Variants in SPATS2 observed in about 807,000 individuals in gnomAD.
SPATS2 encodes the protein spermatogenesis associated serine rich 2.
Under a neutral mutation model 63.7 loss-of-function variants are expected in SPATS2, and 38 were observed. The ratio of observed to expected loss-of-function variants is 0.60; its 90% CI spans 0.46 to 0.78. The LOEUF (loss-of-function observed/expected upper bound fraction) is 0.78. SPATS2 is among the 30% of genes least tolerant of loss of function. The pLI is 0.00. For synonymous variants in SPATS2, 207 were observed against 232.9 expected (o/e 0.89, Z 1.01); for missense variants, 588 against 666.2 (o/e 0.88, Z 1.29).
At chr12:49,514,395 G>C (rs1946805363) in intron 9 of SPATS2, 160 bp from the exon 10 acceptor site, 7 of 586,376 alleles carry the variant, frequency 1.2e-5, no homozygotes, top group African/African-American at 3.8e-5. Context: ...ATTCTTTGTT[G>C]AGAGTAAGAC....
chr12:49,401,271 A>C (rs1944600672), intron 2 of SPATS2, among the ~76,000 whole-genome samples: 1 of 152,146 alleles, frequency 6.6e-6, no homozygotes. Flanking sequence ...TCTGCCTCCC[A>C]AAGTGCTGGG....
At chr12:49,453,023 A>G (rs183944717) in intron 2 of SPATS2, among the ~76,000 whole-genome samples, 2,198 of 151,984 alleles carry the variant, frequency 0.014, 45 homozygotes, top group African/African-American at 0.05. Context: ...GCCGGACGTG[A>G]TGGCGGGCGC....
At chr12:49,401,164 C>A (rs11614479) in intron 2 of SPATS2, among the ~76,000 whole-genome samples, 13,948 of 152,148 alleles carry the variant, frequency 0.092, 750 homozygotes, top group African/African-American at 0.14. Flanking sequence ...CCAAGTACCA[C>A]CATGCCTGGC....
chr12:49,493,676 T>C (rs1018904542), intron 6 of SPATS2, among the ~76,000 whole-genome samples: 6 of 152,224 alleles, frequency 3.9e-5, no homozygotes, highest in African/African-American at 1.4e-4. Flanking sequence ...GTGTTGGGAT[T>C]ACAGGCATGA....
intron 7 of SPATS2, among the ~76,000 whole-genome samples, chr12:49,495,311 A>G (rs1946447130): frequency 6.6e-6 from 1 of 152,056 alleles, no homozygotes; most frequent in African/African-American, 2.4e-5. Context: ...CTCATGCCTC[A>G]GCCTCCTGAG....
At chr12:49,442,548 G>T in intron 2 of SPATS2, 1 of 156,326 alleles carries the variant, frequency 6.4e-6, no homozygotes. Context: ...TACCAGTTTT[G>T]CTTTTTGTTT....
intron 3 of SPATS2, among the ~76,000 whole-genome samples, chr12:49,468,457 GCC>G (rs1945970459): frequency 6.6e-6 from 1 of 150,640 alleles, no homozygotes; most frequent in Admixed American, 6.6e-5. Flanking sequence ...ACTGTGCCCG[GCC>G]TTTTTTTTTG....
In SPATS2 at chr12:49,416,822, G is replaced by T. The variant is rs1944897814; in HGVS notation, c.-243-43948G>T. Among the ~76,000 whole-genome samples the T allele has an allele frequency of 3.3e-5, 5 of 152,148 alleles. No homozygotes were observed. In the South Asian group the frequency reaches 1.0e-3, roughly 31 times the overall value. ...ATGACCTAGCTTCTGAGGTTGCTCA[G>T]TGCCCCTTCTGTTGCATTCCCTTCA... On this transcript the variant is annotated intron_variant, in intron 2 of 13. Coordinates refer to ENST00000552918, the MANE Select transcript of SPATS2 (RefSeq NM_023071.4).
chr12:49,402,651 C>A (rs1944626693), intron 2 of SPATS2, among the ~76,000 whole-genome samples: 1 of 151,956 alleles, frequency 6.6e-6, no homozygotes, highest in Non-Finnish European at 1.5e-5. Context: ...GAATGATAGC[C>A]CAGTGAACCA....
chr12:49,380,483 A>G lies in SPATS2; in HGVS notation c.-244+9193A>G, dbSNP rs189543530. On this transcript the variant is annotated intron_variant, in intron 2 of 13. Coordinates refer to ENST00000552918, the MANE Select transcript of SPATS2 (RefSeq NM_023071.4). ...CACTTTGGGAGGCCGAGGTGGGCGG[A>G]TCACCTGAGGTCAGGAGTTTGAGAT... Among the ~76,000 whole-genome samples, 187 of 152,256 alleles carry G rather than the reference A, an allele frequency of 1.2e-3. 1 individual carries two copies. Among genetic ancestry groups the G allele is most frequent in the African/African-American group, 4.0e-3 (168 of 41,560 alleles).
At chr12:49,426,856 A>G (rs575308518) in intron 2 of SPATS2, among the ~76,000 whole-genome samples, 5 of 152,202 alleles carry the variant, frequency 3.3e-5, no homozygotes, top group Admixed American at 6.5e-5. Context: ...ATCATATTCT[A>G]TTCTGTGAAT....
chr12:49,401,104 T>A (rs934578777), intron 2 of SPATS2, among the ~76,000 whole-genome samples: 14 of 152,030 alleles, frequency 9.2e-5, no homozygotes, highest in African/African-American at 3.4e-4. Context: ...CTCAACCTCC[T>A]GGGATAAGCT....
chr12:49,491,143 C>CAAA, intron 6 of SPATS2: 2 of 110,416 alleles, frequency 1.8e-5, no homozygotes, highest in Admixed American at 9.7e-5. Context: ...GACTCCATCT[C>CAAA]AAAAAAAAAA....
intron 6 of SPATS2, among the ~76,000 whole-genome samples, chr12:49,492,129 ATTTG>A (rs1396096571): frequency 6.6e-6 from 1 of 151,998 alleles, no homozygotes; most frequent in Non-Finnish European, 1.5e-5. Context: ...AGTTTTGAAT[ATTTG>A]TTTAACTTCT....
intron 3 of SPATS2, among the ~76,000 whole-genome samples, chr12:49,478,008 TC>T (rs1465179623): frequency 6.7e-6 from 1 of 148,730 alleles, no homozygotes; most frequent in Non-Finnish European, 1.5e-5. Context: ...AGGGTCTTGC[TC>T]TGTTGCCCAG....
intron 2 of SPATS2, among the ~76,000 whole-genome samples, chr12:49,377,585 A>G (rs982532772): frequency 4.6e-5 from 7 of 152,198 alleles, no homozygotes; most frequent in Non-Finnish European, 7.3e-5. Context: ...AGCCCCAAGT[A>G]TATTATTAAC....
chr12:49,413,981 G>C (rs556389456), intron 2 of SPATS2, among the ~76,000 whole-genome samples: 1 of 152,294 alleles, frequency 6.6e-6, no homozygotes, highest in South Asian at 2.1e-4. Context: ...CAGCCCTACT[G>C]CCTAGGAATG....
chr12:49,506,720 G>A (rs1449951030), intron 9 of SPATS2, among the ~76,000 whole-genome samples: 1 of 152,006 alleles, frequency 6.6e-6, no homozygotes, highest in East Asian at 1.9e-4. Context: ...AATGACACGT[G>A]CCCATAGTCC....
At chr12:49,499,971 G>A in intron 8 of SPATS2, 99 bp from the exon 9 acceptor site, 1 of 942,972 alleles carries the variant, frequency 1.1e-6, no homozygotes. Context: ...AAGATTCTTA[G>A]TCTACATGAC....
Sources: allele counts gnomAD v4.1 joint callset (sites outside exome capture counted in the v4.1 genomes callset), GRCh38; gene constraint gnomAD v4.1.1; transcripts MANE v1.5; gene names NCBI Gene and HGNC (gene_info 2026-07-23, HGNC 2026-07-21).